The following CAST variants were observed in gnomAD, a reference collection of about 807,000 sequenced individuals.
CAST encodes the protein calpastatin.
CAST carries 76 observed loss-of-function variants against 119.6 expected under a neutral mutation model. The observed-to-expected ratio is 0.64, with a 90% CI of 0.53 to 0.77. The LOEUF is 0.77. CAST is among the 30% of genes least tolerant of loss of function. The pLI, the probability that CAST is intolerant of heterozygous loss-of-function variation, is 0.00. For synonymous variants in CAST, 319 were observed against 331.6 expected, an observed-to-expected ratio of 0.96 and a Z score of 0.41; for missense variants, 953 against 946.5, an observed-to-expected ratio of 1.01 and a Z score of -0.09.
chr5:96,255,279 G>A, the CAST span, among the ~76,000 whole-genome samples: 4 of 152,130 alleles, frequency 2.6e-5, no homozygotes, highest in African/African-American at 9.7e-5. Flanking sequence ...AGCTTGGAAT[G>A]TTGTGGTTAA....
chr5:96,542,093 G>A (rs573431810), intron 1 of CAST, among the ~76,000 whole-genome samples: 3 of 152,194 alleles, frequency 2.0e-5, no homozygotes, highest in South Asian at 4.2e-4. Flanking sequence ...GGTGGATCAC[G>A]AGGTCAGGAG....
At chr5:96,106,084 C>T in the CAST span, among the ~76,000 whole-genome samples, 2 of 151,878 alleles carry the variant, frequency 1.3e-5, no homozygotes, top group African/African-American at 4.8e-5. Context: ...TGGTGATATC[C>T]CCTTTATCAT....
chr5:96,319,413 T>C, the CAST span, among the ~76,000 whole-genome samples: 1 of 152,178 alleles, frequency 6.6e-6, no homozygotes, highest in Non-Finnish European at 1.5e-5. Context: ...AAAAATAAAC[T>C]TGTCCAAGCT....
At chr5:96,298,399 C>T in the CAST span, among the ~76,000 whole-genome samples, 3 of 152,044 alleles carry the variant, frequency 2.0e-5, no homozygotes, top group Admixed American at 6.6e-5. Context: ...GTCATTAACA[C>T]GGGATAAGAG....
the CAST span, among the ~76,000 whole-genome samples, chr5:96,001,402 T>A: frequency 2.0e-5 from 3 of 152,204 alleles, no homozygotes; most frequent in African/African-American, 4.8e-5. Flanking sequence ...AAGATCAGCT[T>A]AAGGAATGTG....
chr5:96,341,624 A>C, the CAST span, among the ~76,000 whole-genome samples: 1 of 151,964 alleles, frequency 6.6e-6, no homozygotes, highest in Non-Finnish European at 1.5e-5. Context: ...TGCTTGTTTT[A>C]CTTAAATAAA....
chr5:96,319,600 A>T, the CAST span, among the ~76,000 whole-genome samples: 1 of 152,224 alleles, frequency 6.6e-6, no homozygotes, highest in Admixed American at 6.5e-5. Context: ...TGTGTATCAC[A>T]GTCACAATAG....
chr5:96,676,018 A>C (rs1750664945), intron 2 of CAST: 1 of 154,826 alleles, frequency 6.5e-6, no homozygotes, highest in South Asian at 2.0e-4. Flanking sequence ...CATAAACAAA[A>C]GGAAGAGATA....
At chr5:96,174,445 A>G in the CAST span, among the ~76,000 whole-genome samples, 73 of 152,364 alleles carry the variant, frequency 4.8e-4, no homozygotes, top group Middle Eastern at 3.4e-3. Context: ...CTCCGCAGAC[A>G]GGAGGAGTTC....
chr5:96,205,991 A>T, the CAST span, among the ~76,000 whole-genome samples: 2 of 151,656 alleles, frequency 1.3e-5, no homozygotes, highest in Middle Eastern at 3.2e-3. Context: ...ATTTTTTTTT[A>T]AACATTTTAA....
At chr5:96,128,746 G>C in the CAST span, among the ~76,000 whole-genome samples, 1 of 152,070 alleles carries the variant, frequency 6.6e-6, no homozygotes, top group Non-Finnish European at 1.5e-5. Flanking sequence ...GGACATTAGA[G>C]CTTAATTATC....
the CAST span, among the ~76,000 whole-genome samples, chr5:96,488,002 G>A: frequency 6.6e-6 from 1 of 152,062 alleles, no homozygotes; most frequent in Non-Finnish European, 1.5e-5. Flanking sequence ...TTTACTCATG[G>A]GAATTTTATA....
At chr5:96,727,589 T>A in intron 6 of CAST, 59 bp downstream of exon 6, 1 of 1,109,264 alleles carries the variant, frequency 9.0e-7, no homozygotes, top group Non-Finnish European at 1.3e-6. Flanking sequence ...TAATGAATAA[T>A]CAACTTCCTG....
intron 16 of CAST, chr5:96,743,584 C>CTTCCA: frequency 6.3e-7 from 1 of 1,595,334 alleles, no homozygotes; most frequent in Non-Finnish European, 8.5e-7. Flanking sequence ...GTCTCCCTGA[C>CTTCCA]TTCCAGCAAC....
chr5:96,057,832 TG>T, the CAST span, among the ~76,000 whole-genome samples: 5 of 152,312 alleles, frequency 3.3e-5, no homozygotes, highest in African/African-American at 1.2e-4. Flanking sequence ...AATTAAAATT[TG>T]AACCTACATT....
At chr5:96,586,343 A>G (rs1376617552) in intron 1 of CAST, among the ~76,000 whole-genome samples, 2 of 152,222 alleles carry the variant, frequency 1.3e-5, no homozygotes, top group Non-Finnish European at 2.9e-5. Context: ...GGTCCAGGGA[A>G]ATAATTTTTT....
intron 2 of CAST, among the ~76,000 whole-genome samples, chr5:96,686,883 AG>A (rs1407159267): frequency 1.3e-5 from 2 of 152,074 alleles, no homozygotes; most frequent in African/African-American, 2.4e-5. Flanking sequence ...TTGCAGTAAG[AG>A]GGGAGAAATT....
intron 3 of CAST, among the ~76,000 whole-genome samples, chr5:96,707,745 G>T (rs1755309536): frequency 6.6e-6 from 1 of 152,138 alleles, no homozygotes; most frequent in African/African-American, 2.4e-5. Context: ...TGCCGTAACA[G>T]ATTAAAGCGC....
At chr5:96,588,701 C>T (rs1746906781) in intron 1 of CAST, among the ~76,000 whole-genome samples, 1 of 152,196 alleles carries the variant, frequency 6.6e-6, no homozygotes, top group Non-Finnish European at 1.5e-5. Context: ...TGAAGTCTGA[C>T]TGCCCTTTTC....
Sources: gnomAD v4.1 joint callset for allele counts (sites outside exome capture counted in the v4.1 genomes callset) on GRCh38, gnomAD v4.1.1 for gene constraint, MANE v1.5 for transcripts, NCBI Gene and HGNC (gene_info 2026-07-23, HGNC 2026-07-21) for gene names.